Variants in SUGCT observed in about 807,000 individuals in gnomAD.
SUGCT encodes the protein succinyl-CoA:glutarate-CoA transferase.
Under a neutral mutation model 55.0 loss-of-function variants are expected in SUGCT, and 41 were observed. The ratio of observed to expected loss-of-function variants is 0.74; its 90% CI spans 0.58 to 0.97. The LOEUF is 0.97. Ranked by LOEUF, SUGCT falls within the 50% of genes least tolerant of loss-of-function variation. The probability of loss-of-function intolerance (pLI) is 0.00; values close to 1 mark genes in which losing one functional copy is unlikely to be tolerated. For synonymous variants in SUGCT, 187 were observed against 200.4 expected (o/e 0.93, Z 0.56); for missense variants, 568 against 547.8 (o/e 1.04, Z -0.37).
At chr7:40,769,816 A>G (rs1437381612) in intron 13 of SUGCT, among the ~76,000 whole-genome samples, 1 of 152,138 alleles carries the variant, frequency 6.6e-6, no homozygotes, top group Non-Finnish European at 1.5e-5. Context: ...CTTTCTCTAA[A>G]CTCTATCTTA....
intron 9 of SUGCT, among the ~76,000 whole-genome samples, chr7:40,364,833 A>T (rs914142214): frequency 7.9e-5 from 12 of 152,182 alleles, no homozygotes; most frequent in African/African-American, 2.7e-4. Flanking sequence ...TACCAGAGGT[A>T]CAAGGAGGAA....
chr7:40,465,740 G>C (rs1233446075), intron 11 of SUGCT, among the ~76,000 whole-genome samples: 1 of 152,086 alleles, frequency 6.6e-6, no homozygotes, highest in African/African-American at 2.4e-5. Context: ...CTTGGCTCTT[G>C]ATGGAGCAAT....
intron 9 of SUGCT, among the ~76,000 whole-genome samples, chr7:40,410,664 C>T (rs919509995): frequency 2.0e-5 from 3 of 152,094 alleles, no homozygotes; most frequent in African/African-American, 7.2e-5. Context: ...TGCCTCCAAC[C>T]TTTTATTATT....
At chr7:40,332,461 T>TG (rs1178972731) in intron 9 of SUGCT, among the ~76,000 whole-genome samples, 2 of 151,812 alleles carry the variant, frequency 1.3e-5, no homozygotes, top group Non-Finnish European at 2.9e-5. Context: ...TTTTGTTTTT[T>TG]TTTTTTTACA....
intron 9 of SUGCT, among the ~76,000 whole-genome samples, chr7:40,420,796 C>T (rs1787265798): frequency 6.6e-6 from 1 of 152,040 alleles, no homozygotes; most frequent in Non-Finnish European, 1.5e-5. Flanking sequence ...CCAGGATACA[C>T]ACACAGACAC....
Position 40,659,173 on chromosome 7 carries a change from G to A in SUGCT, c.1090-90261G>A, listed in dbSNP as rs570230266. ...TCAACTCCCAAAATTATGCTTAACC[G>A]AACAATGATACTTTATTATCCCATA... On this transcript the variant is annotated intron_variant, in intron 12 of 13. Coordinates refer to ENST00000335693, the MANE Select transcript of SUGCT (RefSeq NM_001193313.2). 1.8e-4 allele frequency among the ~76,000 whole-genome samples: 28 copies of A among 152,244 alleles called. No individual in the cohort carries two copies. In the East Asian group the frequency reaches 3.9e-3, roughly 21 times the overall value.
chr7:40,152,267 C>T (rs1052921416), intron 1 of SUGCT, among the ~76,000 whole-genome samples: 2 of 152,124 alleles, frequency 1.3e-5, no homozygotes, highest in Non-Finnish European at 2.9e-5. Flanking sequence ...GGCTTTGTTT[C>T]AAAGTTCAAC....
At chr7:40,985,281 G>A in the SUGCT span, among the ~76,000 whole-genome samples, 2 of 152,136 alleles carry the variant, frequency 1.3e-5, no homozygotes, top group African/African-American at 4.8e-5. Context: ...ATTGTAAATG[G>A]ACATTTATGG....
chr7:40,912,101 T>TC, the SUGCT span, among the ~76,000 whole-genome samples: 1 of 151,724 alleles, frequency 6.6e-6, no homozygotes, highest in East Asian at 1.9e-4. Flanking sequence ...ATGCTTCACT[T>TC]CAACTTACTG....
At chr7:41,019,085 T>C in the SUGCT span, among the ~76,000 whole-genome samples, 1 of 152,054 alleles carries the variant, frequency 6.6e-6, no homozygotes, top group African/African-American at 2.4e-5. Flanking sequence ...TTTGTATTTT[T>C]AGTAGAGGCG....
intron 9 of SUGCT, among the ~76,000 whole-genome samples, chr7:40,441,723 GC>G (rs1046905188): frequency 3.9e-5 from 6 of 152,262 alleles, no homozygotes; most frequent in African/African-American, 1.4e-4. Context: ...TAATCACAGG[GC>G]CAGCAAAGTG....
intron 9 of SUGCT, among the ~76,000 whole-genome samples, chr7:40,384,365 G>A (rs1785011179): frequency 6.6e-6 from 1 of 152,140 alleles, no homozygotes; most frequent in Non-Finnish European, 1.5e-5. Context: ...GTGTAAGAAA[G>A]TGAAGCTATT....
intron 3 of SUGCT, among the ~76,000 whole-genome samples, chr7:40,183,024 G>A (rs1275945199): frequency 6.6e-6 from 1 of 152,210 alleles, no homozygotes; most frequent in Admixed American, 6.5e-5. Flanking sequence ...TGTAATCCCA[G>A]TACTTTGGGA....
intron 12 of SUGCT, among the ~76,000 whole-genome samples, chr7:40,517,442 C>T (rs1793302890): frequency 6.6e-6 from 1 of 152,092 alleles, no homozygotes; most frequent in African/African-American, 2.4e-5. Flanking sequence ...AGAAACAAAG[C>T]GTTCAATCTT....
At chr7:40,956,260 GTT>G in the SUGCT span, among the ~76,000 whole-genome samples, 1 of 151,642 alleles carries the variant, frequency 6.6e-6, no homozygotes, top group Non-Finnish European at 1.5e-5. Context: ...CTGGTCTTTG[GTT>G]TTTTTTGGTT....
At chr7:40,556,936 C>T (rs1415169810) in intron 12 of SUGCT, among the ~76,000 whole-genome samples, 1 of 152,162 alleles carries the variant, frequency 6.6e-6, no homozygotes, top group African/African-American at 2.4e-5. Context: ...TTCTACTACT[C>T]AAGGCGATCT....
intron 12 of SUGCT, among the ~76,000 whole-genome samples, chr7:40,545,968 G>A (rs1336278376): frequency 2.0e-5 from 3 of 152,234 alleles, no homozygotes; most frequent in African/African-American, 7.2e-5. Flanking sequence ...GCTCAGTCAT[G>A]TGTATCTATA....
At chr7:40,398,504 C>T (rs1304190008) in intron 9 of SUGCT, among the ~76,000 whole-genome samples, 5 of 137,076 alleles carry the variant, frequency 3.6e-5, no homozygotes, top group Admixed American at 3.3e-4. Flanking sequence ...TGATCGGTAA[C>T]ACTTTACTGG....
rs1355022996 is a variant in SUGCT at position 40,497,359 on chromosome 7, A to G, written c.1089+973A>G. ...TATCTGCTTAAAAGAAAATTGAAAT[A>G]TTTTAAATTTAATGGTTACTACATT... On this transcript the variant is annotated intron_variant, in intron 12 of 13. Coordinates refer to ENST00000335693, the MANE Select transcript of SUGCT (RefSeq NM_001193313.2). Among the ~76,000 whole-genome samples the G allele has an allele frequency of 1.1e-4, 16 of 152,188 alleles. No individual in the cohort carries two copies. The East Asian group carries it at 3.1e-3, about 29-fold the overall frequency.
Sources: gnomAD v4.1 joint callset for allele counts (sites outside exome capture counted in the v4.1 genomes callset) on GRCh38, gnomAD v4.1.1 for gene constraint, MANE v1.5 for transcripts, NCBI Gene and HGNC (gene_info 2026-07-23, HGNC 2026-07-21) for gene names.